TSHR: variants seen among roughly 807,000 people sequenced by gnomAD.
The protein encoded by TSHR is thyroid stimulating hormone receptor.
Under a neutral mutation model 64.1 loss-of-function variants are expected in TSHR, and 51 were observed. That is an observed-to-expected ratio of 0.80 (90% CI 0.64 to 1.01). TSHR has a LOEUF of 1.01. Among genes scored for constraint, TSHR ranks in the 50% least tolerant of loss-of-function variants. The probability of loss-of-function intolerance (pLI) is 0.00; values close to 1 mark genes in which losing one functional copy is unlikely to be tolerated. For missense variants in TSHR, 877 were observed against 942.8 expected, an observed-to-expected ratio of 0.93 and a Z score of 0.91; for synonymous variants, 361 against 361.9, an observed-to-expected ratio of 1.00 and a Z score of 0.03.
chr14:81,077,380 A>G (rs1224918128), intron 3 of TSHR, among the ~76,000 whole-genome samples: 3 of 152,228 alleles, frequency 2.0e-5, no homozygotes, highest in African/African-American at 7.2e-5. Context: ...AATCTGATTG[A>G]CAGAATGTTT....
chr14:81,066,552 A>G (rs373090405), intron 2 of TSHR, among the ~76,000 whole-genome samples: 6 of 152,366 alleles, frequency 3.9e-5, no homozygotes, highest in South Asian at 2.1e-4. Flanking sequence ...CATAATAACC[A>G]AGATAAAAAC....
At chr14:81,076,611 T>C (rs1040417585) in intron 3 of TSHR, among the ~76,000 whole-genome samples, 2 of 152,196 alleles carry the variant, frequency 1.3e-5, no homozygotes, top group African/African-American at 2.4e-5. Context: ...ATACCTGAGA[T>C]GTATCACTAT....
chr14:81,016,617 T>C (rs1883426819), intron 1 of TSHR, among the ~76,000 whole-genome samples: 1 of 152,188 alleles, frequency 6.6e-6, no homozygotes, highest in African/African-American at 2.4e-5. Flanking sequence ...GCTTTTTAAT[T>C]TGATGTAATT....
At chr14:80,967,186 GTA>G (rs3038162) in intron 1 of TSHR, among the ~76,000 whole-genome samples, 37,904 of 143,788 alleles carry the variant, frequency 0.26, 4,997 homozygotes, top group Admixed American at 0.3. Flanking sequence ...ATATGTATGT[GTA>G]TATATATATA....
chr14:81,072,805 G>C (rs916387740), intron 3 of TSHR, among the ~76,000 whole-genome samples: 3 of 136,972 alleles, frequency 2.2e-5, no homozygotes, highest in African/African-American at 1.0e-4. Flanking sequence ...AGACCATCCC[G>C]GCTAAAACGG....
intron 8 of TSHR, among the ~76,000 whole-genome samples, chr14:81,119,073 C>T (rs1890666725): frequency 1.5e-5 from 2 of 137,554 alleles, no homozygotes; most frequent in African/African-American, 2.9e-5. Flanking sequence ...ACCATAAAAA[C>T]CCTAGAAGAA....
intron 3 of TSHR, among the ~76,000 whole-genome samples, chr14:81,072,679 A>AT (rs1335920344): frequency 1.3e-5 from 2 of 152,104 alleles, no homozygotes; most frequent in Non-Finnish European, 2.9e-5. Flanking sequence ...TGATTGCTGA[A>AT]TTTTTAATAC....
At chr14:81,095,727 T>C (rs1889125839) in intron 6 of TSHR, among the ~76,000 whole-genome samples, 3 of 152,110 alleles carry the variant, frequency 2.0e-5, no homozygotes, top group Non-Finnish European at 4.4e-5. Context: ...AATGAATTAA[T>C]TAGTCATAGA....
At chr14:81,102,167 A>G (rs1889626424) in intron 7 of TSHR, among the ~76,000 whole-genome samples, 1 of 147,584 alleles carries the variant, frequency 6.8e-6, no homozygotes, top group African/African-American at 2.6e-5. Flanking sequence ...GAGAGACTCC[A>G]TCTCAGGGAA....
chr14:81,124,594 C>T (rs1890941643), intron 8 of TSHR, among the ~76,000 whole-genome samples: 1 of 151,990 alleles, frequency 6.6e-6, no homozygotes, highest in Non-Finnish European at 1.5e-5. Flanking sequence ...ATATATATGT[C>T]TTTATGTATA....
rs988180507 is a variant in TSHR at position 80,982,456 on chromosome 14, G to A, written c.170+26606G>A. The A allele has an allele frequency of 5.2e-6, 6 of 1,154,832 alleles. No homozygotes were observed. The African/African-American group carries it at 9.4e-5, about 18-fold the overall frequency. 71.5% of individuals were successfully genotyped at this position (1,154,832 alleles called of 1,614,324 possible). On this transcript the variant is annotated intron_variant, in intron 1 of 9. Transcript: ENST00000298171. ...TGAGGAGTTGGAGCCTGTGACTGGGGCCAGTTGCAAACCTAGGTCTGGGGC... is the reference window on the plus strand; with the variant it reads ...TGAGGAGTTGGAGCCTGTGACTGGGACCAGTTGCAAACCTAGGTCTGGGGC...
intron 1 of TSHR, among the ~76,000 whole-genome samples, chr14:80,986,504 G>C (rs1888455774): frequency 6.6e-6 from 1 of 151,254 alleles, no homozygotes; most frequent in African/African-American, 2.4e-5. Context: ...TTTGTTTTTT[G>C]AGACAGAGTT....
Position 81,144,535 on chromosome 14 carries a change from GCC to G in TSHR, c.*186_*187del. 1 of 654,402 alleles carries G rather than the reference GCC, an allele frequency of 1.5e-6. No individual in the cohort carries two copies. The highest frequency in any genetic ancestry group is 2.6e-6 in the Non-Finnish European group (1 of 385,408). 40.5% of individuals were successfully genotyped at this position (654,402 alleles called of 1,614,324 possible). On this transcript the variant is annotated 3_prime_UTR_variant, in exon 10 of 10. Transcript: ENST00000298171. ...AGTGATTAGTATTAACCTAATCATT[GCC>G]CCCAAGAAGGAAGTTAGGCTACCAG...
chr14:81,070,115 T>C (rs1342158862), intron 3 of TSHR, among the ~76,000 whole-genome samples: 1 of 151,762 alleles, frequency 6.6e-6, no homozygotes, highest in Non-Finnish European at 1.5e-5. Context: ...AAGAAATATA[T>C]AGCACAATAA....
chr14:81,130,227 A>G (rs1891180139), intron 8 of TSHR, among the ~76,000 whole-genome samples: 1 of 152,072 alleles, frequency 6.6e-6, no homozygotes, highest in Non-Finnish European at 1.5e-5. Flanking sequence ...CTACTGCCCT[A>G]TTTATCTGTG....
At chr14:81,056,780 G>T (rs1283051340) in intron 1 of TSHR, among the ~76,000 whole-genome samples, 1 of 152,170 alleles carries the variant, frequency 6.6e-6, no homozygotes, top group Non-Finnish European at 1.5e-5. Context: ...AAATCCACTT[G>T]GATTCTGGCC....
chr14:81,061,021 A>G (rs1459479766), intron 1 of TSHR, among the ~76,000 whole-genome samples: 1 of 152,142 alleles, frequency 6.6e-6, no homozygotes, highest in Admixed American at 6.6e-5. Flanking sequence ...AACTGGAGGA[A>G]AAGTCACACC....
At chr14:80,997,231 G>A (rs538922703) in intron 1 of TSHR, among the ~76,000 whole-genome samples, 9 of 152,302 alleles carry the variant, frequency 5.9e-5, no homozygotes, top group Admixed American at 2.6e-4. Context: ...CTTTTCATCT[G>A]TGTTGGTAAT....
Position 81,103,496 on chromosome 14 carries a change from C to T in TSHR, c.615-4879C>T, listed in dbSNP as rs1889713005. ...TTTTTTAAAATGTAACTGAATAATA[C>T]AATTACAGCCAAGCTGGACAAATTC... On this transcript the variant is annotated intron_variant, in intron 7 of 9. Coordinates refer to ENST00000298171, the MANE Select transcript of TSHR (RefSeq NM_000369.5). This position sits in a 1 kb window ranked among gnomAD's most constrained non-coding sequence, Gnocchi z 4.1. The T allele has an allele frequency of 1.0e-6, 1 of 985,298 alleles. No individual in the cohort carries two copies. Among genetic ancestry groups the T allele is most frequent in the Non-Finnish European group, 1.2e-6 (1 of 829,942 alleles). 61.0% of individuals were successfully genotyped at this position (985,298 alleles called of 1,614,324 possible). A position where few individuals can be genotyped will look rare whatever the true frequency, so the allele number is the denominator to read the frequency against.
Sources: gnomAD v4.1 joint callset for allele counts (sites outside exome capture counted in the v4.1 genomes callset) on GRCh38, gnomAD v4.1.1 for gene constraint, Gnocchi (gnomAD v3.1) non-coding constraint, MANE v1.5 for transcripts, NCBI Gene and HGNC (gene_info 2026-07-23, HGNC 2026-07-21) for gene names.